MS4A1: variants seen among roughly 807,000 people sequenced by gnomAD.
MS4A1 encodes the protein membrane spanning 4-domains A1, also known as B-lymphocyte antigen CD20.
Under a neutral mutation model 26.5 loss-of-function variants are expected in MS4A1, and 16 were observed. The ratio of observed to expected loss-of-function variants is 0.60; its 90% confidence interval spans 0.41 to 0.92. The LOEUF (loss-of-function observed/expected upper bound fraction) is 0.92, where lower values mean the gene tolerates loss of function less well. Among genes scored for constraint, MS4A1 ranks in the 40% least tolerant of loss-of-function variants. The pLI is 0.00. For synonymous variants in MS4A1, 128 were observed against 117.6 expected (o/e 1.09, Z -0.57); for missense variants, 350 against 353.0 (o/e 0.99, Z 0.07).
rs201746270 is a variant in MS4A1, at chr11:60,455,913, C to T, written c.-312C>T. The stretch of plus-strand genomic sequence containing the variant: ...TGAACTCCGCAGCTAGCATCCAAAT[C>T]AGCCCTTGAGATTTGAGGCCTTGGA... On this transcript the variant is annotated 5_prime_UTR_variant, in exon 1 of 8. Coordinates refer to ENST00000345732, the MANE Select transcript of MS4A1 (RefSeq NM_152866.3). 1 of 152,280 alleles carries T rather than the reference C, an allele frequency of 6.6e-6. No homozygotes were observed. The highest frequency in any genetic ancestry group is 1.5e-5 in the Non-Finnish European group (1 of 68,108). The allele number at this position is 152,280 out of a possible 1,614,324, so 9.4% of individuals were successfully genotyped here.
At position 60,468,454 on chromosome 11, in the gene MS4A1, G is replaced by A. The variant is rs751929161; in HGVS notation, c.880G>A (p.Asp294Asn). ...QDQESSPIEN[D>N]SSP Reference sequence around the variant, plus strand: ...TCAGGAATCCTCACCAATAGAAAATGACAGCTCTCCTTAAGTGATTTCTTC... The same window carrying A: ...TCAGGAATCCTCACCAATAGAAAATAACAGCTCTCCTTAAGTGATTTCTTC... The change falls in exon 8 of 8, where the codon GAC becomes AAC. Residue 294 changes from aspartate to asparagine, a missense_variant. By Grantham distance (23) the Asp-to-Asn change is conservative. Transcript: ENST00000345732. 1.9e-6 allele frequency: 3 copies of A among 1,614,002 alleles called. No homozygotes were observed. In the South Asian group the frequency reaches 3.3e-5, roughly 18 times the overall value.
intron 1 of MS4A1, among the ~76,000 whole-genome samples, chr11:60,459,900 A>G (rs1035693627): frequency 2.6e-5 from 4 of 152,198 alleles, no homozygotes; most frequent in African/African-American, 9.7e-5. Context: ...CACAGGAGAC[A>G]AAGCAGCCTG....
At chr11:60,457,018 A>C (rs1332134812) in intron 1 of MS4A1, among the ~76,000 whole-genome samples, 1 of 152,218 alleles carries the variant, frequency 6.6e-6, no homozygotes, top group Non-Finnish European at 1.5e-5. Flanking sequence ...CATAGAAAAC[A>C]GGTTCCCTAT....
rs1216561132 is a variant in MS4A1, at chr11:60,466,034, G to C, written c.450G>C (p.Glu150Asp). The C allele has an allele frequency of 1.2e-6, 2 of 1,613,180 alleles. No individual in the cohort carries two copies. The highest frequency in any genetic ancestry group is 1.7e-6 in the Non-Finnish European group (2 of 1,179,338). The change falls in exon 6 of 8, where the codon GAG (glutamate) becomes GAC (aspartate). Residue 150 changes from glutamate (E) to aspartate (D), a missense_variant. Transcript: ENST00000345732. Reference sequence around the variant, plus strand: ...AAATTTCCCATTTTTTAAAAATGGAGAGTCTGAATTTTATTAGAGCTCACA... The same window carrying C: ...AAATTTCCCATTTTTTAAAAATGGACAGTCTGAATTTTATTAGAGCTCACA... ...NIKISHFLKM[E>D]SLNFIRAHTP...
chr11:60,464,256 C>T (rs1170859724), intron 4 of MS4A1, 32 bp from the exon 5 acceptor site: 2 of 1,527,446 alleles, frequency 1.3e-6, no homozygotes, highest in East Asian at 2.3e-5. Context: ...TGCCCACCCC[C>T]TCTCCATCTC....
intron 4 of MS4A1, chr11:60,463,660 C>A (rs1221313250): frequency 8.0e-6 from 3 of 376,768 alleles, no homozygotes; most frequent in Non-Finnish European, 1.7e-5. Flanking sequence ...TTTATTTCCC[C>A]GTGATACTTT....
At chr11:60,458,248 C>T (rs1285590367) in intron 1 of MS4A1, 1 of 152,198 alleles carries the variant, frequency 6.6e-6, no homozygotes, top group South Asian at 2.1e-4. Flanking sequence ...CACAGGAGGC[C>T]AGAAGGGATA....
At chr11:60,460,224 C>T (rs550294172) in intron 1 of MS4A1, among the ~76,000 whole-genome samples, 32 of 152,132 alleles carry the variant, frequency 2.1e-4, no homozygotes, top group Non-Finnish European at 4.3e-4. Flanking sequence ...GCAGCCTGGG[C>T]GACAGAGCGA....
rs201954295 is a variant in MS4A1, at chr11:60,470,225, T to A, written c.*1757T>A. 17 of 151,992 alleles carry A rather than the reference T, an allele frequency of 1.1e-4. No homozygotes were observed. In the South Asian group the frequency reaches 2.9e-3, roughly 26 times the overall value. The allele number at this position is 151,992 out of a possible 1,614,324, so 9.4% of individuals were successfully genotyped here. ...CATGTCTATATAGTCTTACACAGGTTCTCAAAAAAAATGTTCATGGGATAG... is the reference window on the plus strand; with the variant it reads ...CATGTCTATATAGTCTTACACAGGTACTCAAAAAAAATGTTCATGGGATAG... On this transcript the variant is annotated 3_prime_UTR_variant, in exon 8 of 8. Transcript: ENST00000345732.
In MS4A1 at chr11:60,468,362, A is replaced by G. The variant is rs770849757; in HGVS notation, c.788A>G (p.Glu263Gly). The change falls in exon 8 of 8, where the codon GAA (glutamate) becomes GGA (glycine). Residue 263 changes from glutamate to glycine, a missense_variant. By Grantham distance (98) the Glu-to-Gly change is moderately conservative (BLOSUM62 -2). Coordinates refer to ENST00000345732, the MANE Select transcript of MS4A1 (RefSeq NM_152866.3). ...SSQPKNEEDI[E>G]IIPIQEEEEE... Reference sequence around the variant, plus strand: ...CAACCAAAGAATGAAGAAGACATTGAAATTATTCCAATCCAAGAAGAGGAA... The same window carrying G: ...CAACCAAAGAATGAAGAAGACATTGGAATTATTCCAATCCAAGAAGAGGAA... 7 of 1,614,004 alleles carry G rather than the reference A, an allele frequency of 4.3e-6. No individual in the cohort carries two copies. The highest frequency in any genetic ancestry group is 2.2e-5 in the South Asian group (2 of 91,078).
At chr11:60,458,622 CTG>C (rs1168334610) in intron 1 of MS4A1, among the ~76,000 whole-genome samples, 1 of 152,206 alleles carries the variant, frequency 6.6e-6, no homozygotes, top group African/African-American at 2.4e-5. Flanking sequence ...TTGAGCATAA[CTG>C]TGCATTGGGC....
chr11:60,469,162 T>G lies in MS4A1; in HGVS notation c.*694T>G, dbSNP rs200909483. On this transcript the variant is annotated 3_prime_UTR_variant, in exon 8 of 8. Coordinates refer to ENST00000345732, the MANE Select transcript of MS4A1 (RefSeq NM_152866.3). ...TGCATGTCTACCTACTTTTAGCCAT[T>G]ATGCGAGAAAAGAAAAAAATGACCA... 6.6e-6 allele frequency: 1 copy of G among 152,164 alleles called. No homozygotes were observed. The highest frequency in any genetic ancestry group is 1.5e-5 in the Non-Finnish European group (1 of 67,996). The allele number at this position is 152,164 out of a possible 1,614,324, so 9.4% of individuals were successfully genotyped here. A position where few individuals can be genotyped will look rare whatever the true frequency, so the allele number is the denominator to read the frequency against.
At chr11:60,458,569 G>A (rs529056742) in intron 1 of MS4A1, among the ~76,000 whole-genome samples, 7 of 152,146 alleles carry the variant, frequency 4.6e-5, no homozygotes, top group Admixed American at 2.0e-4. Context: ...ATCATATTGC[G>A]GCTAATGTGG....
At chr11:60,467,742 C>G (rs1273914535) in intron 7 of MS4A1, among the ~76,000 whole-genome samples, 1 of 151,992 alleles carries the variant, frequency 6.6e-6, no homozygotes, top group East Asian at 1.9e-4. Flanking sequence ...TCCTTTTCAC[C>G]TAATTCCTCT....
At chr11:60,466,569 G>C in intron 6 of MS4A1, 1 of 312,590 alleles carries the variant, frequency 3.2e-6, no homozygotes, top group Non-Finnish European at 6.0e-6. Context: ...TTTAAATGTA[G>C]AGTTTGAAAG....
rs73483129 is a variant in MS4A1 at position 60,467,122 on chromosome 11, T to C, written c.675+62T>C. On this transcript the variant is annotated intron_variant, in intron 7 of 7. Coordinates refer to ENST00000345732, the MANE Select transcript of MS4A1 (RefSeq NM_152866.3). ...GAAAATCCACATCCACAAAGGATCA[T>C]TTATGGAGAATGTAATCTGATGAGT... is the stretch of plus-strand genomic sequence containing the variant. 127 of 1,336,940 alleles carry C rather than the reference T, an allele frequency of 9.5e-5. No homozygotes were observed. The African/African-American group carries it at 1.7e-3, about 18-fold the overall frequency. The allele number at this position is 1,336,940 out of a possible 1,614,324, so 82.8% of individuals were successfully genotyped here.
intron 5 of MS4A1, 40 bp downstream of exon 5, chr11:60,464,384 A>G (rs2086273842): frequency 6.3e-7 from 1 of 1,592,064 alleles, no homozygotes. Context: ...ATGTCAGAGA[A>G]GTACCTATTT....
At chr11:60,456,977 T>A (rs1164422875) in intron 1 of MS4A1, among the ~76,000 whole-genome samples, 1 of 152,174 alleles carries the variant, frequency 6.6e-6, no homozygotes, top group East Asian at 1.9e-4. Flanking sequence ...CTGAGTTTGA[T>A]GTTCAGCTTA....
intron 1 of MS4A1, among the ~76,000 whole-genome samples, chr11:60,459,985 G>GC (rs1433311482): frequency 3.6e-4 from 55 of 152,188 alleles, no homozygotes; most frequent in African/African-American, 1.3e-3. Context: ...GTGGCTCACA[G>GC]CTGTTATCCT....
Sources: gnomAD v4.1 joint callset for allele counts (sites outside exome capture counted in the v4.1 genomes callset) on GRCh38, gnomAD v4.1.1 for gene constraint, MANE v1.5 for transcripts, NCBI Gene and HGNC (gene_info 2026-07-23, HGNC 2026-07-21) for gene names.